ACE: variants seen among roughly 807,000 people sequenced by gnomAD.
ACE encodes angiotensin-converting enzyme.
Under a neutral mutation model 162.3 loss-of-function variants are expected in ACE, and 122 were observed. The observed-to-expected ratio is 0.75, with a 90% CI of 0.65 to 0.87. The LOEUF (loss-of-function observed/expected upper bound fraction) is 0.87, where lower values mean the gene tolerates loss of function less well. Among genes scored for constraint, ACE ranks in the 40% least tolerant of loss-of-function variants. The probability of loss-of-function intolerance (pLI) is 0.00; values close to 1 mark genes in which losing one functional copy is unlikely to be tolerated. For missense variants in ACE, 1,799 were observed against 1,735.1 expected (o/e 1.04, Z -0.65); for synonymous variants, 796 against 720.6 (o/e 1.10, Z -1.68).
chr17:63,494,602 G>A, intron 22 of ACE, 132 bp downstream of exon 22: 1 of 792,688 alleles, frequency 1.3e-6, no homozygotes, highest in East Asian at 2.7e-5. Flanking sequence ...CACGGTGCAG[G>A]TGCCTGGGCC....
chr17:63,496,534 C>G lies in ACE; in HGVS notation c.3503+18C>G. On this transcript the variant is annotated intron_variant, in intron 23 of 24. Coordinates refer to ENST00000290866, the MANE Select transcript of ACE (RefSeq NM_000789.4). ...CGCCTGGCGTGAGTGTCCTCCAGCC[C>G]TCCTTTGTTTCCATGCTCTGGCCTG... The G allele has an allele frequency of 6.2e-7, 1 of 1,613,914 alleles. No individual in the cohort carries two copies. The highest frequency in any genetic ancestry group is 8.5e-7 in the Non-Finnish European group (1 of 1,180,048).
intron 2 of ACE, chr17:63,478,468 C>G (rs748101988): frequency 3.1e-6 from 1 of 319,378 alleles, no homozygotes; most frequent in Non-Finnish European, 6.0e-6. Context: ...GAGTTCAAGA[C>G]CAGCCTGGCC....
chr17:63,480,542 C>G lies in ACE; in HGVS notation c.847+14C>G, dbSNP rs1167103972. 1 of 1,613,060 alleles carries G rather than the reference C, an allele frequency of 6.2e-7. No homozygotes were observed. The highest frequency in any genetic ancestry group is 1.3e-5 in the African/African-American group (1 of 74,926). On this transcript the variant is annotated intron_variant, in intron 5 of 24. Transcript: ENST00000290866. ...CTCATCTGCTGGGTAAGGACCTGGCCTCGCCTCCACATGAGTCCCACGGAA... is the reference window on the plus strand; with the variant it reads ...CTCATCTGCTGGGTAAGGACCTGGCGTCGCCTCCACATGAGTCCCACGGAA...
rs1455404812 is a variant in ACE, at chr17:63,488,732, C to T, written c.2390C>T (p.Ala797Val). The T allele has an allele frequency of 2.5e-6, 4 of 1,613,676 alleles. No homozygotes were observed. Among genetic ancestry groups the T allele is most frequent in the East Asian group, 4.5e-5 (2 of 44,790 alleles). ...WEGWRDKAGR[A>V]ILQFYPKYVE... ...GGCTGGCGAGACAAGGCGGGGAGAGCCATCCTCCAGTTTTACCCGAAATAC... is the reference window on the plus strand; with the variant it reads ...GGCTGGCGAGACAAGGCGGGGAGAGTCATCCTCCAGTTTTACCCGAAATAC... Residue 797 changes from alanine (A) to valine (V), a missense_variant, in exon 16 of 25, where the codon GCC (alanine) becomes GTC (valine). By Grantham distance (64) the Ala-to-Val change is moderately conservative. Coordinates refer to ENST00000290866, the MANE Select transcript of ACE (RefSeq NM_000789.4).
Position 63,477,311 on chromosome 17 carries a change from AC to A in ACE, c.219del (p.Asn74ThrfsTer71). The A allele has an allele frequency of 7.2e-7, 1 of 1,388,194 alleles. No homozygotes were observed. The highest frequency in any genetic ancestry group is 3.3e-5 in the East Asian group (1 of 30,602). 86.0% of individuals were successfully genotyped at this position (1,388,194 alleles called of 1,614,324 possible). ...QSVAASWAHD[T>X]NITAENARRQ... ...CGTGGCCGCCAGCTGGGCGCACGAC[AC>A]CAACATCACCGCGGAGAATGCAAGG... On this transcript the variant is annotated frameshift_variant, in exon 1 of 25. Transcript: ENST00000290866. LOFTEE classifies it high-confidence loss of function.
intron 4 of ACE, 27 bp from the exon 5 acceptor site, chr17:63,480,310 C>T: frequency 6.2e-7 from 1 of 1,612,102 alleles, no homozygotes; most frequent in Non-Finnish European, 8.5e-7. Flanking sequence ...TTGGCCTGAG[C>T]TACATACCTC....
At chr17:63,486,763 G>A in intron 14 of ACE, 48 bp downstream of exon 14, 2 of 1,612,162 alleles carry the variant, frequency 1.2e-6, no homozygotes, top group Non-Finnish European at 1.7e-6. Context: ...GGGGCAGTGA[G>A]CCCAACACAG....
At chr17:63,495,770 G>A (rs2030690581) in intron 22 of ACE, among the ~76,000 whole-genome samples, 1 of 152,310 alleles carries the variant, frequency 6.6e-6, no homozygotes, top group South Asian at 2.1e-4. Context: ...AAAACATTCC[G>A]GATTCTGGCC....
At chr17:63,497,060 C>T (rs765302469) in intron 24 of ACE, 75 bp downstream of exon 24, 25 of 1,586,008 alleles carry the variant, frequency 1.6e-5, no homozygotes, top group Admixed American at 3.6e-5. Flanking sequence ...CGGCTGACCT[C>T]GGAGCCTGGC....
chr17:63,481,225 GGGGGT>G, intron 6 of ACE, 37 bp downstream of exon 6: 1 of 1,449,996 alleles, frequency 6.9e-7, no homozygotes, highest in Non-Finnish European at 9.6e-7. Context: ...GGTGGGGGTC[GGGGGT>G]GGGGCGCAAA....
rs1462492601 is a variant in ACE at position 63,491,052 on chromosome 17, G to A, written c.2739+1G>A. On this transcript the variant is annotated splice_donor_variant, in intron 18 of 24. Coordinates refer to ENST00000290866, the MANE Select transcript of ACE (RefSeq NM_000789.4). LOFTEE classifies it high-confidence loss of function. This position sits in a 1 kb window ranked among gnomAD's most constrained non-coding sequence, Gnocchi z 4.4. ...CACCACAGAGGCTATGCTAAAGCAG[G>A]TCCGCACCAGCCCAGGGGCAGGGAG... The A allele has an allele frequency of 6.2e-7, 1 of 1,614,124 alleles. No individual in the cohort carries two copies. The highest frequency in any genetic ancestry group is 8.5e-7 in the Non-Finnish European group (1 of 1,180,026).
chr17:63,480,196 G>A, intron 4 of ACE, 141 bp from the exon 5 acceptor site: 7 of 959,770 alleles, frequency 7.3e-6, no homozygotes, highest in Non-Finnish European at 8.0e-6. Flanking sequence ...ATTAGAAATT[G>A]TAGAGTGGCA....
At chr17:63,494,132 G>A in intron 21 of ACE, 66 bp downstream of exon 21, 3 of 1,600,674 alleles carry the variant, frequency 1.9e-6, no homozygotes, top group Non-Finnish European at 2.6e-6. Context: ...GTGCCTGGGT[G>A]TCTGGATGGG....
intron 17 of ACE, among the ~76,000 whole-genome samples, chr17:63,489,433 C>A (rs1011306224): frequency 9.2e-4 from 140 of 152,076 alleles, no homozygotes; most frequent in African/African-American, 3.3e-3. Context: ...TCTTAGAGGG[C>A]GAGGAAGAGG....
Position 63,487,529 on chromosome 17 carries a change from C to T in ACE, c.2305+456C>T, listed in dbSNP as rs1028907790. On this transcript the variant is annotated intron_variant, in intron 15 of 24. Coordinates refer to ENST00000290866, the MANE Select transcript of ACE (RefSeq NM_000789.4). ...ATAAGGAAATTGAGTCACACAGCCC[C>T]TGAAAGCGCCAGACTAGAACCTGAG... 3.3e-5 allele frequency among the ~76,000 whole-genome samples: 5 copies of T among 152,316 alleles called. No homozygotes were observed. In the East Asian group the frequency reaches 9.6e-4, roughly 29 times the overall value.
At chr17:63,479,390 C>T (rs2147527833) in intron 3 of ACE, among the ~76,000 whole-genome samples, 1 of 152,274 alleles carries the variant, frequency 6.6e-6, no homozygotes, top group African/African-American at 2.4e-5. Flanking sequence ...TGGGTCCTCT[C>T]ATGTTCCCCA....
Position 63,496,377 on chromosome 17 carries a change from G to T in ACE, c.3381-17G>T, listed in dbSNP as rs199659166. On this transcript the variant is annotated splice_polypyrimidine_tract_variant and intron_variant, in intron 22 of 24. Transcript: ENST00000290866. ...TCAACCAACTCCGCCCCGGGCCACG[G>T]CCTCGCTCTGCTCCAGGTACTTTGT... is the stretch of plus-strand genomic sequence containing the variant. 3,148 of 1,614,140 alleles carry T rather than the reference G, an allele frequency of 2.0e-3. 5 individuals are homozygous for T. The highest frequency in any genetic ancestry group is 2.5e-3 in the Non-Finnish European group (2,986 of 1,180,014).
intron 21 of ACE, 131 bp from the exon 22 acceptor site, chr17:63,494,241 A>G (rs2030585672): frequency 7.9e-7 from 1 of 1,260,168 alleles, no homozygotes; most frequent in Non-Finnish European, 1.1e-6. Flanking sequence ...TTGTGCACAG[A>G]GGCCCAGCAC....
chr17:63,484,929 G>C lies in ACE; in HGVS notation c.1922-307G>C. On this transcript the variant is annotated intron_variant, in intron 12 of 24. Transcript: ENST00000290866. The surrounding 1 kb of genome is among the most constrained non-coding windows in gnomAD (Gnocchi z 4.0). The stretch of plus-strand genomic sequence containing the variant: ...CTCCTCTTCCTGCTGCTCTGCTACG[G>C]GCACCCTCTGCTGGTCCCCAGCCAG... 1 of 1,596,706 alleles carries C rather than the reference G, an allele frequency of 6.3e-7. No individual in the cohort carries two copies. Among genetic ancestry groups the C allele is most frequent in the Non-Finnish European group, 8.5e-7 (1 of 1,171,738 alleles).
Sources: allele counts gnomAD v4.1 joint callset (sites outside exome capture counted in the v4.1 genomes callset), GRCh38; gene constraint gnomAD v4.1.1; non-coding constraint Gnocchi (gnomAD v3.1); transcripts MANE v1.5; gene names NCBI Gene and HGNC (gene_info 2026-07-23, HGNC 2026-07-21).